TSBP1: variants seen among roughly 807,000 people sequenced by gnomAD.
The protein encoded by TSBP1 is testis-expressed basic protein 1.
In TSBP1, 56 loss-of-function variants were observed where a neutral mutation model predicts 68.8. That is an observed-to-expected ratio of 0.81 (90% CI 0.66 to 1.02). TSBP1 has a LOEUF of 1.02. TSBP1 is among the 50% of genes least tolerant of loss of function. TSBP1 has a pLI of 0.00. For missense variants in TSBP1, 502 were observed against 641.2 expected, an observed-to-expected ratio of 0.78 and a Z score of 2.34; for synonymous variants, 171 against 208.7, an observed-to-expected ratio of 0.82 and a Z score of 1.56.
intron 6 of TSBP1, among the ~76,000 whole-genome samples, chr6:32,363,268 G>A (rs1308142916): frequency 6.6e-6 from 1 of 151,944 alleles, no homozygotes; most frequent in Non-Finnish European, 1.5e-5. Context: ...CCTTAGAGCT[G>A]GAGTGTGTCT....
intron 14 of TSBP1, among the ~76,000 whole-genome samples, chr6:32,332,286 C>T (rs981420744): frequency 1.3e-5 from 2 of 152,142 alleles, no homozygotes; most frequent in Non-Finnish European, 2.9e-5. Flanking sequence ...TTTATAGGAT[C>T]CTTGCCAACC....
exon 23 of TSBP1, chr6:32,293,850 C>T (rs1179244101): frequency 6.2e-7 from 1 of 1,613,020 alleles, no homozygotes; most frequent in South Asian, 1.1e-5. Flanking sequence ...CCTTCTCTTT[C>T]TGGCTCCTTT....
At position 32,336,621 on chromosome 6, in the gene TSBP1, G is replaced by A; in HGVS notation, c.424C>T (p.Pro142Ser). The A allele has an allele frequency of 1.2e-6, 2 of 1,612,290 alleles. No individual in the cohort carries two copies. The highest frequency in any genetic ancestry group is 1.7e-6 in the Non-Finnish European group (2 of 1,179,428). ...AAACAAACTTGATACTTACGAATAG[G>A]GGCTGTGAATTGCACTGAAATACAA... The change falls in exon 12 of 23, where the codon CCT becomes TCT. Residue 142 changes from proline to serine, a missense_variant. Physicochemically the swap from Pro to Ser is moderately conservative, Grantham distance 74. Coordinates refer to ENST00000612031, the Ensembl canonical transcript of TSBP1. This position sits in a 1 kb window ranked among gnomAD's most constrained non-coding sequence, Gnocchi z 5.2.
chr6:32,323,518 G>A (rs1436760429), intron 17 of TSBP1, 73 bp downstream of exon 18: 9 of 1,408,634 alleles, frequency 6.4e-6, no homozygotes, highest in Non-Finnish European at 9.0e-6. Flanking sequence ...GCAGGGTAGA[G>A]ACAGGTCTCT....
chr6:32,330,674 AC>A, intron 15 of TSBP1, 65 bp from the exon 17 acceptor site: 4 of 1,429,702 alleles, frequency 2.8e-6, no homozygotes, highest in Non-Finnish European at 3.8e-6. Context: ...ACACACACAC[AC>A]TTCTATTTTT....
Position 32,306,707 on chromosome 6 carries a change from T to C in TSBP1, c.581-4078A>G, listed in dbSNP as rs115358830. ...AACTATTATTCAATTTAAGAACATA[T>C]AAAGCAAGTTGTCTGTCCCTCCCTC... On this transcript the variant is annotated intron_variant, in intron 19 of 22. Coordinates refer to ENST00000612031, the Ensembl canonical transcript of TSBP1. This position sits in a 1 kb window ranked among gnomAD's most constrained non-coding sequence, Gnocchi z 5.1. Among the ~76,000 whole-genome samples, 5,994 of 152,248 alleles carry C rather than the reference T, an allele frequency of 0.039. 339 individuals are homozygous for C. Among genetic ancestry groups the C allele is most frequent in the African/African-American group, 0.12 (5,144 of 41,524 alleles).
At chr6:32,358,424 T>G (rs1014194656) in intron 6 of TSBP1, among the ~76,000 whole-genome samples, 19 of 152,198 alleles carry the variant, frequency 1.2e-4, no homozygotes, top group African/African-American at 4.6e-4. Context: ...TTCTTTTTAT[T>G]ATTATTATAC....
chr6:32,360,382 T>TTGTGTGTGTGTGTG (rs9279600), intron 6 of TSBP1, among the ~76,000 whole-genome samples: 1 of 150,930 alleles, frequency 6.6e-6, no homozygotes, highest in African/African-American at 2.4e-5. Flanking sequence ...TAATATTTCA[T>TTGTGTGTGTGTGTG]TGTGTGTGTG....
intron 6 of TSBP1, among the ~76,000 whole-genome samples, chr6:32,362,297 A>AAAAAAG (rs1490877805): frequency 6.6e-6 from 1 of 150,788 alleles, no homozygotes; most frequent in African/African-American, 2.4e-5. Flanking sequence ...TCAAAAAAAA[A>AAAAAAG]AAAAAAAAGA....
rs1766742111 is a variant in TSBP1, at chr6:32,314,464, A to T, written c.580+1308T>A. 6.6e-6 allele frequency among the ~76,000 whole-genome samples: 1 copy of T among 152,206 alleles called. No homozygotes were observed. Among genetic ancestry groups the T allele is most frequent in the Non-Finnish European group, 1.5e-5 (1 of 68,042 alleles). On this transcript the variant is annotated intron_variant, in intron 19 of 22. Transcript: ENST00000612031. The surrounding 1 kb of genome is among the most constrained non-coding windows in gnomAD (Gnocchi z 4.2). ...TTCCCAATTATATGGCCCATGTGCA[A>T]ACATAGACATCTGGAATTTCCAGCT...
intron 18 of TSBP1, among the ~76,000 whole-genome samples, chr6:32,317,080 A>G (rs1328016779): frequency 6.6e-6 from 1 of 152,222 alleles, no homozygotes; most frequent in Non-Finnish European, 1.5e-5. Flanking sequence ...TACAGTAAGC[A>G]AAACAGTATG....
intron 19 of TSBP1, among the ~76,000 whole-genome samples, chr6:32,310,761 A>ATATATATATATATATATATATTT: frequency 1.4e-5 from 2 of 144,806 alleles, no homozygotes; most frequent in East Asian, 2.0e-4. Flanking sequence ...ATATATATAT[A>ATATATATATATATATATATATTT]TTTTTAATCT....
intron 22 of TSBP1, among the ~76,000 whole-genome samples, chr6:32,296,961 C>A (rs1764785800): frequency 6.6e-6 from 1 of 152,140 alleles, no homozygotes; most frequent in Non-Finnish European, 1.5e-5. Flanking sequence ...ATAGAATCTT[C>A]ATACCCTTAT....
rs144049657 is a variant in TSBP1, at chr6:32,343,152, C to G, written c.350-3514G>C. On this transcript the variant is annotated intron_variant, in intron 9 of 22. Transcript: ENST00000612031. The surrounding 1 kb of genome is among the most constrained non-coding windows in gnomAD (Gnocchi z 4.3). Reference sequence around the variant, plus strand: ...CCTTTCACCCTGACATAGCAGGAAACAGGAAATAGTTAAGACAGGGAGAAG... The same window carrying G: ...CCTTTCACCCTGACATAGCAGGAAAGAGGAAATAGTTAAGACAGGGAGAAG... The G allele has an allele frequency of 1.6e-5, 12 of 736,814 alleles. No homozygotes were observed. In the Admixed American group the frequency reaches 4.6e-4, roughly 29 times the overall value. 45.6% of individuals were successfully genotyped at this position (736,814 alleles called of 1,614,324 possible). A position where few individuals can be genotyped will look rare whatever the true frequency, so the allele number is the denominator to read the frequency against.
intron 16 of TSBP1, among the ~76,000 whole-genome samples, chr6:32,328,917 T>C (rs903549632): frequency 1.8e-4 from 27 of 152,180 alleles, no homozygotes; most frequent in African/African-American, 6.0e-4. Flanking sequence ...ATTTAAGAGG[T>C]ACAAGTACAG....
chr6:32,317,583 G>A (rs966274093), intron 18 of TSBP1, among the ~76,000 whole-genome samples: 1 of 152,118 alleles, frequency 6.6e-6, no homozygotes, highest in Non-Finnish European at 1.5e-5. Context: ...AATATCCAGC[G>A]CCTGTAAGGA....
At chr6:32,362,278 G>A (rs1773136055) in intron 6 of TSBP1, among the ~76,000 whole-genome samples, 1 of 122,550 alleles carries the variant, frequency 8.2e-6, no homozygotes, top group East Asian at 2.7e-4. Flanking sequence ...AACAGAGCCA[G>A]ACTCCGTCTC....
Position 32,315,865 on chromosome 6 carries a change from T to A in TSBP1, c.560-73A>T. 2 of 1,017,810 alleles carry A rather than the reference T, an allele frequency of 2.0e-6. No individual in the cohort carries two copies. The highest frequency in any genetic ancestry group is 2.9e-6 in the Non-Finnish European group (2 of 695,160). 63.0% of individuals were successfully genotyped at this position (1,017,810 alleles called of 1,614,324 possible). ...AAAACATAGCATTATCTAACATATT[T>A]TGTTGGAGTCTGTGAGGGGAGGACT... is the stretch of plus-strand genomic sequence containing the variant. On this transcript the variant is annotated intron_variant, in intron 18 of 22. Transcript: ENST00000612031. The surrounding 1 kb of genome is among the most constrained non-coding windows in gnomAD (Gnocchi z 5.4).
In TSBP1 at chr6:32,361,780, TG is replaced by T. The variant is rs1165525487; in HGVS notation, c.217+4386del. On this transcript the variant is annotated intron_variant, in intron 6 of 22. Coordinates refer to ENST00000612031, the Ensembl canonical transcript of TSBP1. This position sits in a 1 kb window ranked among gnomAD's most constrained non-coding sequence, Gnocchi z 4.3. The stretch of plus-strand genomic sequence containing the variant: ...TTCAGCTGTATTTTGAGTTGTATCT[TG>T]CTTTTGAGTTGTATGAGTTCCTTAT... Among the ~76,000 whole-genome samples, 7 of 152,208 alleles carry T rather than the reference TG, an allele frequency of 4.6e-5. No individual in the cohort carries two copies. The highest frequency in any genetic ancestry group is 4.6e-4 in the Admixed American group (7 of 15,284).
Sources: allele counts gnomAD v4.1 joint callset (sites outside exome capture counted in the v4.1 genomes callset), GRCh38; gene constraint gnomAD v4.1.1; non-coding constraint Gnocchi (gnomAD v3.1); transcripts MANE v1.5; gene names NCBI Gene and HGNC (gene_info 2026-07-23, HGNC 2026-07-21).